VIRMA: variants seen among roughly 807,000 people sequenced by gnomAD.
The protein encoded by VIRMA is protein virilizer homolog.
In VIRMA, 65 loss-of-function variants were observed where a neutral mutation model predicts 182.4. That is an observed-to-expected ratio of 0.36 (90% CI 0.29 to 0.44). The LOEUF is 0.44. Ranked by LOEUF, VIRMA falls within the 20% of genes least tolerant of loss-of-function variation. The pLI, the probability that VIRMA is intolerant of heterozygous loss-of-function variation, is 1.00. For missense variants in VIRMA, 1,752 were observed against 2,158.1 expected, an observed-to-expected ratio of 0.81 and a Z score of 3.73; for synonymous variants, 709 against 743.1, an observed-to-expected ratio of 0.95 and a Z score of 0.75.
intron 6 of VIRMA, among the ~76,000 whole-genome samples, chr8:94,530,561 A>G (rs1815136767): frequency 6.6e-6 from 1 of 152,144 alleles, no homozygotes; most frequent in Non-Finnish European, 1.5e-5. Flanking sequence ...GAAATACTGC[A>G]CAGCATGGGG....
chr8:94,548,547 C>T, intron 1 of VIRMA, among the ~76,000 whole-genome samples: 1 of 151,266 alleles, frequency 6.6e-6, no homozygotes, highest in Non-Finnish European at 1.5e-5. Context: ...CACTCATATA[C>T]TTGTTTACCA....
chr8:94,552,856 G>A (rs1816048241), intron 1 of VIRMA, among the ~76,000 whole-genome samples: 2 of 152,130 alleles, frequency 1.3e-5, no homozygotes, highest in African/African-American at 4.8e-5. Context: ...CTCTCCGAGA[G>A]ACAAGTATTA....
At position 94,553,393 on chromosome 8, in the gene VIRMA, T is replaced by C. The variant is rs778575273; in HGVS notation, c.55A>G (p.Ser19Gly). The C allele has an allele frequency of 1.9e-6, 3 of 1,614,066 alleles. No homozygotes were observed. ...AAGTCGCCAAGCCTTACCTCAGCGCTCGGGTGTTTAAAAGTATCTAAAAAT... is the reference window on the plus strand; with the variant it reads ...AAGTCGCCAAGCCTTACCTCAGCGCCCGGGTGTTTAAAAGTATCTAAAAAT... ...LLFLDTFKHP[S>G]AEQSSHIDVV... The change falls in exon 1 of 24, where the codon AGC (serine) becomes GGC (glycine). Residue 19 changes from serine (S) to glycine (G), a missense_variant. Around this residue, in one of 11 missense-constraint regions of VIRMA, gnomAD observed 195 missense variants for 191.7 expected, o/e 1.02. Coordinates refer to ENST00000297591, the MANE Select transcript of VIRMA (RefSeq NM_015496.5).
chr8:94,537,224 A>G, intron 3 of VIRMA, 73 bp from the exon 4 acceptor site: 1 of 959,546 alleles, frequency 1.0e-6, no homozygotes, highest in Admixed American at 2.0e-5. Context: ...GTCTCTCTAG[A>G]TTCAAATATT....
chr8:94,513,108 C>T (rs112483815), intron 11 of VIRMA, among the ~76,000 whole-genome samples: 6,075 of 152,214 alleles, frequency 0.04, 132 homozygotes, highest in Middle Eastern at 0.051. Context: ...GAGGCCATGG[C>T]GGGTGGATCA....
chr8:94,490,269 T>A, intron 22 of VIRMA, 187 bp from the exon 23 acceptor site: 1 of 578,136 alleles, frequency 1.7e-6, no homozygotes. Flanking sequence ...CTGCCAGGGA[T>A]CAAATACTGG....
At chr8:94,544,190 A>G (rs1815679363) in intron 1 of VIRMA, among the ~76,000 whole-genome samples, 1 of 151,686 alleles carries the variant, frequency 6.6e-6, no homozygotes, top group Non-Finnish European at 1.5e-5. Flanking sequence ...TTAGACTAAT[A>G]TAGACACAGA....
chr8:94,517,953 A>G lies in VIRMA; in HGVS notation c.2514-11T>C, dbSNP rs773724946. 5.0e-6 allele frequency: 8 copies of G among 1,593,542 alleles called. No individual in the cohort carries two copies. The highest frequency in any genetic ancestry group is 6.8e-6 in the Non-Finnish European group (8 of 1,173,064). On this transcript the variant is annotated splice_polypyrimidine_tract_variant and intron_variant, in intron 9 of 23. Coordinates refer to ENST00000297591, the MANE Select transcript of VIRMA (RefSeq NM_015496.5). ...TTAGATTTGGAATCACTGAAACAAA[A>G]TAAGGTTTTTAAGTTTTGGATACAA...
rs148818129 is a variant in VIRMA, at chr8:94,529,147, C to T, written c.803G>A (p.Arg268Gln). 22 of 1,427,240 alleles carry T rather than the reference C, an allele frequency of 1.5e-5. 1 individual carries two copies. Among genetic ancestry groups the T allele is most frequent in the South Asian group, 6.9e-5 (6 of 86,914 alleles). The allele number at this position is 1,427,240 out of a possible 1,614,324, so 88.4% of individuals were successfully genotyped here. A position where few individuals can be genotyped will look rare whatever the true frequency, so the allele number is the denominator to read the frequency against. ...CTCAGGAATACTGTCTACTGTTCGTCGATCATCCTCATCCTCATCCTCTTC... is the reference window on the plus strand; with the variant it reads ...CTCAGGAATACTGTCTACTGTTCGTTGATCATCCTCATCCTCATCCTCTTC... The part of the protein sequence containing the change: ...EEEEDEDEDD[R>Q]RTVDSIPEEE... The change falls in exon 7 of 24, where the codon CGA (arginine) becomes CAA (glutamine). Residue 268 changes from arginine (R) to glutamine (Q), a missense_variant. Physicochemically the swap from Arg to Gln is conservative, Grantham distance 43. Coordinates refer to ENST00000297591, the MANE Select transcript of VIRMA (RefSeq NM_015496.5).
rs1440340733 is a variant in VIRMA, at chr8:94,526,958, C to A, written c.1286G>T (p.Gly429Val). ...QLKNTKQDSL[G>V]QLVDWTMQAL... ...TTGCATGGTCCAGTCTACCAACTGG[C>A]CAAGGGAGTCTTGTTTTGTGTTTTT... is the stretch of plus-strand genomic sequence containing the variant. The change falls in exon 8 of 24, where the codon GGC becomes GTC. Residue 429 changes from glycine (G) to valine (V), a missense_variant. Coordinates refer to ENST00000297591, the MANE Select transcript of VIRMA (RefSeq NM_015496.5). The A allele has an allele frequency of 1.9e-6, 3 of 1,614,060 alleles. No individual in the cohort carries two copies. The highest frequency in any genetic ancestry group is 2.2e-5 in the East Asian group (1 of 44,896).
intron 11 of VIRMA, among the ~76,000 whole-genome samples, chr8:94,513,000 T>G (rs1008797273): frequency 5.3e-5 from 8 of 152,228 alleles, no homozygotes; most frequent in African/African-American, 1.7e-4. Flanking sequence ...CAAATAGTTA[T>G]GTTTCAGTTT....
intron 17 of VIRMA, chr8:94,498,034 G>C (rs1813851071): frequency 6.6e-6 from 1 of 152,082 alleles, no homozygotes; most frequent in Non-Finnish European, 1.5e-5. Flanking sequence ...GGGAGAGAAA[G>C]AGAGTCTCAC....
At chr8:94,509,095 T>C (rs1192614117) in intron 15 of VIRMA, among the ~76,000 whole-genome samples, 1 of 152,122 alleles carries the variant, frequency 6.6e-6, no homozygotes, top group Non-Finnish European at 1.5e-5. Flanking sequence ...AACCAAGCTA[T>C]GAAATTTAAG....
At chr8:94,520,157 G>A (rs556552730) in intron 8 of VIRMA, among the ~76,000 whole-genome samples, 6 of 135,364 alleles carry the variant, frequency 4.4e-5, no homozygotes, top group Non-Finnish European at 9.1e-5. Context: ...TTGCTCCACT[G>A]CACTCCAACC....
At chr8:94,515,149 AC>A (rs1374818933) in intron 10 of VIRMA, among the ~76,000 whole-genome samples, 198 bp from the exon 11 acceptor site, 1 of 149,894 alleles carries the variant, frequency 6.7e-6, no homozygotes, top group African/African-American at 2.5e-5. Context: ...AGGCTGGAGT[AC>A]AAAGGGCGTA....
chr8:94,499,622 T>C (rs1303473275), intron 16 of VIRMA, 116 bp from the exon 17 acceptor site: 1 of 668,730 alleles, frequency 1.5e-6, no homozygotes, highest in Non-Finnish European at 2.3e-6. Flanking sequence ...TTTTTAAAAA[T>C]GCTAAGAAGT....
At chr8:94,511,815 T>A in intron 12 of VIRMA, 86 bp from the exon 13 acceptor site, 2 of 737,350 alleles carry the variant, frequency 2.7e-6, no homozygotes, top group Non-Finnish European at 3.8e-6. Flanking sequence ...ATATTTAATA[T>A]TTATGATAAT....
chr8:94,514,048 T>C (rs1814463384), intron 11 of VIRMA, among the ~76,000 whole-genome samples: 1 of 152,100 alleles, frequency 6.6e-6, no homozygotes, highest in South Asian at 2.1e-4. Flanking sequence ...TAATATACAC[T>C]GCAATTCCAA....
In VIRMA at chr8:94,530,977, G is replaced by A; in HGVS notation, c.593C>T (p.Pro198Leu). 5.6e-6 allele frequency: 9 copies of A among 1,604,346 alleles called. No homozygotes were observed. Among genetic ancestry groups the A allele is most frequent in the Non-Finnish European group, 7.7e-6 (9 of 1,175,826 alleles). The stretch of plus-strand genomic sequence containing the variant: ...TTTATTTATACCTGGCAGAGGCACA[G>A]GATCATCTTCATCATCATCAGGTGG... ...PPPPDDDEDD[P>L]VPLPVSGDKE... Residue 198 changes from proline (P) to leucine (L), a missense_variant, in exon 6 of 24, where the codon CCT (proline) becomes CTT (leucine). Around this residue, in one of 11 missense-constraint regions of VIRMA, gnomAD observed 114 missense variants for 106.9 expected, o/e 1.07. Coordinates refer to ENST00000297591, the MANE Select transcript of VIRMA (RefSeq NM_015496.5).
Sources: gnomAD v4.1 joint callset for allele counts (sites outside exome capture counted in the v4.1 genomes callset) on GRCh38, gnomAD v4.1.1 for gene constraint, gnomAD v4.1.1 regional missense constraint, MANE v1.5 for transcripts, NCBI Gene and HGNC (gene_info 2026-07-23, HGNC 2026-07-21) for gene names.